Variants in MBNL1 observed in about 807,000 individuals in gnomAD.
MBNL1 encodes muscleblind-like protein 1.
In MBNL1, 8 loss-of-function variants were observed where a neutral mutation model predicts 42.2. The observed-to-expected ratio is 0.19, with a 90% CI of 0.11 to 0.34. MBNL1 has a LOEUF of 0.34. MBNL1 is among the 10% of genes least tolerant of loss of function. The pLI, the probability that MBNL1 is intolerant of heterozygous loss-of-function variation, is 1.00. For missense variants in MBNL1, 309 were observed against 495.3 expected, an observed-to-expected ratio of 0.62 and a Z score of 3.57; for synonymous variants, 169 against 173.9, an observed-to-expected ratio of 0.97 and a Z score of 0.22.
chr3:152,381,848 C>G (rs2097191501), intron 2 of MBNL1, among the ~76,000 whole-genome samples: 1 of 151,820 alleles, frequency 6.6e-6, no homozygotes, highest in Admixed American at 6.6e-5. Context: ...ATTAAATCAG[C>G]CAAAGAATTT....
At chr3:152,293,517 C>T (rs1368563345) in intron 1 of MBNL1, among the ~76,000 whole-genome samples, 10 of 152,256 alleles carry the variant, frequency 6.6e-5, no homozygotes. Context: ...CTTGTTGACA[C>T]CAGTGAGCCA....
chr3:152,307,385 CA>C (rs1247226849), intron 2 of MBNL1, among the ~76,000 whole-genome samples: 6 of 152,278 alleles, frequency 3.9e-5, no homozygotes, highest in Admixed American at 3.9e-4. Context: ...TTTTATATGA[CA>C]AAAGAATCTG....
intron 2 of MBNL1, among the ~76,000 whole-genome samples, chr3:152,368,971 C>G (rs939425660): frequency 1.1e-4 from 17 of 152,206 alleles, no homozygotes; most frequent in African/African-American, 3.9e-4. Context: ...GACAATTTGA[C>G]TTCCTCTCTT....
chr3:152,284,845 G>A (rs532041763), intron 1 of MBNL1, among the ~76,000 whole-genome samples: 28 of 152,180 alleles, frequency 1.8e-4, no homozygotes, highest in African/African-American at 6.7e-4. Context: ...CTGTTGCTCG[G>A]AGGGCTGATG....
chr3:152,382,781 T>C (rs1405411353), intron 2 of MBNL1, among the ~76,000 whole-genome samples: 2 of 152,182 alleles, frequency 1.3e-5, no homozygotes, highest in African/African-American at 4.8e-5. Flanking sequence ...TTTCCTCACC[T>C]TTTAAATCCA....
intron 2 of MBNL1, among the ~76,000 whole-genome samples, chr3:152,390,511 G>A (rs2097664574): frequency 1.3e-5 from 2 of 151,286 alleles, no homozygotes; most frequent in African/African-American, 4.9e-5. Flanking sequence ...TTAATTATTA[G>A]AAAGAGTACA....
At chr3:152,338,075 C>T in intron 2 of MBNL1, 1 of 941,156 alleles carries the variant, frequency 1.1e-6, no homozygotes, top group Non-Finnish European at 1.3e-6. Flanking sequence ...ACCATAAATG[C>T]CGTAGGCATG....
intron 2 of MBNL1, among the ~76,000 whole-genome samples, chr3:152,259,279 G>A (rs191107191): frequency 3.3e-4 from 50 of 152,272 alleles, no homozygotes; most frequent in Admixed American, 1.6e-3. Context: ...TCTTTTGCTA[G>A]TCTAGAATAA....
At chr3:152,357,340 C>T (rs779839416) in intron 2 of MBNL1, among the ~76,000 whole-genome samples, 14 of 152,160 alleles carry the variant, frequency 9.2e-5, no homozygotes, top group Admixed American at 2.6e-4. Context: ...ATCTTAGAGC[C>T]AATTTTCTTA....
At chr3:152,409,823 C>G (rs2098523508) in intron 2 of MBNL1, among the ~76,000 whole-genome samples, 2 of 152,102 alleles carry the variant, frequency 1.3e-5, no homozygotes, top group Non-Finnish European at 2.9e-5. Context: ...TAGACTCTGA[C>G]TCCACAAATC....
At chr3:152,264,818 A>G (rs955284305), upstream of MBNL1, 1 of 152,158 alleles carries the variant, frequency 6.6e-6, no homozygotes, top group African/African-American at 2.4e-5. Flanking sequence ...ACTGCTTTAA[A>G]TTTCATAAAC....
chr3:152,340,716 A>G, intron 2 of MBNL1: 1 of 1,614,048 alleles, frequency 6.2e-7, no homozygotes, highest in Non-Finnish European at 8.5e-7. Flanking sequence ...GAGAACTCAA[A>G]TGTTCCTTTG....
intron 4 of MBNL1, 30 bp downstream of exon 4, chr3:152,432,950 A>G (rs1395063771): frequency 3.2e-6 from 5 of 1,558,134 alleles, no homozygotes; most frequent in Admixed American, 3.5e-5. Flanking sequence ...GTCTTTATAT[A>G]CTACATTCTA....
chr3:152,280,267 T>C (rs2047645482), intron 1 of MBNL1, among the ~76,000 whole-genome samples: 2 of 152,154 alleles, frequency 1.3e-5, no homozygotes, highest in South Asian at 4.1e-4. Flanking sequence ...AAGAATAAGC[T>C]GTTTGTGGGC....
intron 2 of MBNL1, among the ~76,000 whole-genome samples, chr3:152,337,716 C>G (rs1438580450): frequency 6.7e-6 from 1 of 150,198 alleles, no homozygotes; most frequent in Non-Finnish European, 1.5e-5. Context: ...CTTTTTCCAT[C>G]TTTTGTTCTT....
chr3:152,445,796 T>C (rs567174739), intron 5 of MBNL1, among the ~76,000 whole-genome samples: 2 of 152,216 alleles, frequency 1.3e-5, no homozygotes, highest in African/African-American at 2.4e-5. Flanking sequence ...CTGAAATCTC[T>C]GCTTTGTAAA....
chr3:152,284,745 T>C (rs1322749568), intron 1 of MBNL1, among the ~76,000 whole-genome samples: 1 of 152,138 alleles, frequency 6.6e-6, no homozygotes, highest in Non-Finnish European at 1.5e-5. Flanking sequence ...TTTATACTTT[T>C]AAAGCGGCAT....
chr3:152,395,983 C>T (rs2097914689), intron 2 of MBNL1, among the ~76,000 whole-genome samples: 1 of 152,186 alleles, frequency 6.6e-6, no homozygotes, highest in African/African-American at 2.4e-5. Context: ...TCTCTATTTA[C>T]AGCTGCTCCG....
intron 2 of MBNL1, among the ~76,000 whole-genome samples, chr3:152,389,403 G>A (rs771610435): frequency 6.6e-6 from 1 of 152,226 alleles, no homozygotes; most frequent in Non-Finnish European, 1.5e-5. Context: ...GCCTGGCCCC[G>A]TATCTCTTAA....
Sources: gnomAD v4.1 joint callset for allele counts (sites outside exome capture counted in the v4.1 genomes callset) on GRCh38, gnomAD v4.1.1 for gene constraint, MANE v1.5 for transcripts, NCBI Gene and HGNC (gene_info 2026-07-23, HGNC 2026-07-21) for gene names.